The following MPRIP variants were observed in gnomAD, a reference collection of about 807,000 sequenced individuals.
The protein encoded by MPRIP is myosin phosphatase Rho interacting protein.
MPRIP carries 59 observed loss-of-function variants against 234.9 expected under a neutral mutation model. The ratio of observed to expected loss-of-function variants is 0.25; its 90% confidence interval spans 0.20 to 0.31. The LOEUF is 0.31. Among genes scored for constraint, MPRIP ranks in the 10% least tolerant of loss-of-function variants. The probability of loss-of-function intolerance (pLI) is 1.00; values close to 1 mark genes in which losing one functional copy is unlikely to be tolerated. For synonymous variants in MPRIP, 1,144 were observed against 1,263.9 expected (o/e 0.91, Z 2.01); for missense variants, 2,436 against 3,071.0 (o/e 0.79, Z 4.89).
chr17:17,089,487 A>G (rs1156868878), intron 3 of MPRIP, among the ~76,000 whole-genome samples: 1 of 151,494 alleles, frequency 6.6e-6, no homozygotes, highest in African/African-American at 2.4e-5. Flanking sequence ...TATTTTTTAG[A>G]GATTGGGTTT....
At chr17:17,147,525 G>A (rs995116901) in intron 11 of MPRIP, 138 bp downstream of exon 11, 8 of 795,304 alleles carry the variant, frequency 1.0e-5, no homozygotes, top group African/African-American at 6.8e-5. Flanking sequence ...TTACCTTGCC[G>A]AAGGTATGTC....
At chr17:17,169,507 C>T (rs1280493516) in intron 16 of MPRIP, among the ~76,000 whole-genome samples, 1 of 152,234 alleles carries the variant, frequency 6.6e-6, no homozygotes, top group Non-Finnish European at 1.5e-5. Context: ...TGAGAACTGA[C>T]CAGAGATTGT....
intron 3 of MPRIP, among the ~76,000 whole-genome samples, chr17:17,120,212 A>G (rs755554000): frequency 1.3e-5 from 2 of 152,176 alleles, no homozygotes; most frequent in African/African-American, 2.4e-5. Context: ...CTCTCACCAT[A>G]TTTCTGCTTA....
chr17:17,116,257 A>C (rs1457367078), intron 3 of MPRIP, among the ~76,000 whole-genome samples: 1 of 152,158 alleles, frequency 6.6e-6, no homozygotes, highest in African/African-American at 2.4e-5. Context: ...GCCTCTGCAC[A>C]GGGGCTCCCT....
At chr17:17,112,500 C>T (rs922311967) in intron 3 of MPRIP, among the ~76,000 whole-genome samples, 2 of 152,322 alleles carry the variant, frequency 1.3e-5, no homozygotes, top group African/African-American at 4.8e-5. Context: ...GGATGGTGGC[C>T]CTGCCCCGCA....
At chr17:17,116,443 G>GAGCT (rs1199492028) in intron 3 of MPRIP, among the ~76,000 whole-genome samples, 1 of 152,220 alleles carries the variant, frequency 6.6e-6, no homozygotes, top group Non-Finnish European at 1.5e-5. Flanking sequence ...CTTGGGCTGG[G>GAGCT]AGCTGTTGGA....
intron 18 of MPRIP, among the ~76,000 whole-genome samples, chr17:17,173,268 C>T (rs1455288909): frequency 1.3e-5 from 2 of 152,230 alleles, no homozygotes; most frequent in Non-Finnish European, 2.9e-5. Context: ...AGACTTTTTT[C>T]ACTTGGTAGA....
rs776604973 is a variant in MPRIP, at chr17:17,164,348, G to A, written c.2757G>A (p.Ala919=). The A allele has an allele frequency of 3.3e-5, 43 of 1,301,042 alleles. No homozygotes were observed. The highest frequency in any genetic ancestry group is 5.5e-5 in the East Asian group (1 of 18,042). 80.6% of individuals were successfully genotyped at this position (1,301,042 alleles called of 1,614,324 possible). A position where few individuals can be genotyped will look rare whatever the true frequency, so the allele number is the denominator to read the frequency against. Reference sequence around the variant, plus strand: ...CTGAGCTAGCCATCAAGGAGCAGGCGCTGGCCAAGCTCAAGGGCGACCTGA... The same window carrying A: ...CTGAGCTAGCCATCAAGGAGCAGGCACTGGCCAAGCTCAAGGGCGACCTGA... ...AAAELAIKEQ[A]LAKLKGDLKR... The change falls in exon 16 of 24, where the codon GCG becomes GCA. Residue 919 remains alanine (A), a synonymous_variant. Coordinates refer to ENST00000651222, the MANE Select transcript of MPRIP (RefSeq NM_001364716.4).
intron 3 of MPRIP, among the ~76,000 whole-genome samples, chr17:17,125,648 A>G (rs73979089): frequency 6.6e-6 from 1 of 152,210 alleles, no homozygotes; most frequent in Non-Finnish European, 1.5e-5. Context: ...TGAGCTCAGC[A>G]TGGGCACCAG....
intron 3 of MPRIP, among the ~76,000 whole-genome samples, chr17:17,094,136 G>T (rs1405018981): frequency 6.6e-6 from 1 of 151,522 alleles, no homozygotes; most frequent in Non-Finnish European, 1.5e-5. Flanking sequence ...GGTTTTTTTT[G>T]GTTTGTTTTT....
chr17:17,050,372 A>T (rs893165836), intron 1 of MPRIP, among the ~76,000 whole-genome samples: 2 of 151,940 alleles, frequency 1.3e-5, no homozygotes, highest in East Asian at 3.9e-4. Context: ...TTATTTAACC[A>T]GATATATCCA....
intron 8 of MPRIP, 107 bp downstream of exon 8, chr17:17,142,872 A>G: frequency 7.6e-7 from 1 of 1,315,470 alleles, no homozygotes; most frequent in South Asian, 1.5e-5. Flanking sequence ...TGCTCCTGCC[A>G]GGCTTCTCTC....
intron 1 of MPRIP, among the ~76,000 whole-genome samples, chr17:17,049,443 C>G (rs867073616): frequency 6.6e-6 from 1 of 152,220 alleles, no homozygotes. Flanking sequence ...CTCTCTCACA[C>G]ACACACACCT....
chr17:17,175,553 A>C, intron 20 of MPRIP, 141 bp downstream of exon 20: 7 of 1,182,240 alleles, frequency 5.9e-6, no homozygotes, highest in East Asian at 2.9e-5. Context: ...GAAGATCCAA[A>C]TCACCCGAAG....
chr17:17,154,462 G>C, intron 13 of MPRIP, 47 bp downstream of exon 13: 10 of 1,522,066 alleles, frequency 6.6e-6, no homozygotes, highest in Non-Finnish European at 9.1e-6. Flanking sequence ...TCTTGTGGGT[G>C]CCACTCCCGC....
chr17:17,088,374 A>G (rs993792994), intron 3 of MPRIP, among the ~76,000 whole-genome samples: 1 of 152,222 alleles, frequency 6.6e-6, no homozygotes, highest in Non-Finnish European at 1.5e-5. Flanking sequence ...TCCCTCCCAC[A>G]CAGAGAGAAA....
chr17:17,051,075 C>T (rs1054261131), intron 1 of MPRIP, among the ~76,000 whole-genome samples: 6 of 152,104 alleles, frequency 3.9e-5, no homozygotes, highest in African/African-American at 1.4e-4. Context: ...AAAGCGGGTG[C>T]CTGCCTTCTC....
Position 17,166,086 on chromosome 17 carries a change from G to T in MPRIP, c.4495G>T (p.Asp1499Tyr). The change falls in exon 16 of 24, where the codon GAC becomes TAC. Residue 1499 changes from aspartate (D) to tyrosine (Y), a missense_variant. Coordinates refer to ENST00000651222, the MANE Select transcript of MPRIP (RefSeq NM_001364716.4). This position sits in a 1 kb window ranked among gnomAD's most constrained non-coding sequence, Gnocchi z 4.4. ...TAGGGCCAGCCAGGAGGATGAGCAG[G>T]ACGCACGCGCAGCCTCCCTGGCCAG... is the stretch of plus-strand genomic sequence containing the variant. ...LPRASQEDEQDARAASLASVE... is the reference protein window; with the variant it reads ...LPRASQEDEQYARAASLASVE... 1 of 1,299,664 alleles carries T rather than the reference G, an allele frequency of 7.7e-7. No homozygotes were observed. The highest frequency in any genetic ancestry group is 1.5e-5 in the African/African-American group (1 of 65,896). The allele number at this position is 1,299,664 out of a possible 1,614,324, so 80.5% of individuals were successfully genotyped here.
chr17:17,134,664 C>T (rs1261566065), intron 5 of MPRIP, among the ~76,000 whole-genome samples: 1 of 152,188 alleles, frequency 6.6e-6, no homozygotes, highest in African/African-American at 2.4e-5. Flanking sequence ...GCTTTGGACC[C>T]AGAGCCCCAC....
Sources: gnomAD v4.1 joint callset for allele counts (sites outside exome capture counted in the v4.1 genomes callset) on GRCh38, gnomAD v4.1.1 for gene constraint, Gnocchi (gnomAD v3.1) non-coding constraint, MANE v1.5 for transcripts, NCBI Gene and HGNC (gene_info 2026-07-23, HGNC 2026-07-21) for gene names.